Variants in LINGO2 observed in about 807,000 individuals in gnomAD.
LINGO2 encodes the protein leucine-rich repeat and immunoglobulin-like domain-containing nogo receptor-interacting protein 2.
LINGO2 carries 14 observed loss-of-function variants against 30.6 expected under a neutral mutation model. That is an observed-to-expected ratio of 0.46 (90% CI 0.30 to 0.72). The LOEUF (loss-of-function observed/expected upper bound fraction) is 0.72. LINGO2 is among the 30% of genes least tolerant of loss of function. The pLI, the probability that LINGO2 is intolerant of heterozygous loss-of-function variation, is 0.07. For missense variants in LINGO2, 729 were observed against 751.7 expected, an observed-to-expected ratio of 0.97 and a Z score of 0.35; for synonymous variants, 317 against 288.5, an observed-to-expected ratio of 1.10 and a Z score of -1.00.
chr9:28,404,900 T>TTGTGTGTGTGTGTGTGTGTGTGTG (rs60281661), intron 2 of LINGO2, among the ~76,000 whole-genome samples: 6 of 102,550 alleles, frequency 5.9e-5, no homozygotes, highest in African/African-American at 1.6e-4. Context: ...CTCAGCCGCT[T>TTGTGTGTGTGTGTGTGTGTGTGTG]TGTGTGTGTG....
chr9:28,174,310 T>C (rs1828682761), intron 4 of LINGO2, among the ~76,000 whole-genome samples: 1 of 152,208 alleles, frequency 6.6e-6, no homozygotes, highest in African/African-American at 2.4e-5. Flanking sequence ...AAGCAAGCTA[T>C]GGAATCAAAG....
At chr9:28,914,673 A>G in the LINGO2 span, among the ~76,000 whole-genome samples, 1 of 152,092 alleles carries the variant, frequency 6.6e-6, no homozygotes, top group Admixed American at 6.6e-5. Flanking sequence ...TTTTTCATAT[A>G]TTTGGGTTTG....
chr9:28,327,579 C>T (rs771767735), intron 3 of LINGO2, among the ~76,000 whole-genome samples: 4 of 152,126 alleles, frequency 2.6e-5, no homozygotes, highest in African/African-American at 4.8e-5. Context: ...GGCCATATTC[C>T]CTTTACAGTC....
At chr9:28,143,182 A>G (rs11787710) in intron 4 of LINGO2, among the ~76,000 whole-genome samples, 36,229 of 152,064 alleles carry the variant, frequency 0.24, 4,366 homozygotes, top group Non-Finnish European at 0.26. Flanking sequence ...AAATTTGAAG[A>G]AATGCCAAAA....
At chr9:28,311,899 C>T (rs1175353379) in intron 3 of LINGO2, among the ~76,000 whole-genome samples, 2 of 152,126 alleles carry the variant, frequency 1.3e-5, no homozygotes, top group Admixed American at 1.3e-4. Flanking sequence ...TCCATGAAAT[C>T]TTCACAATTT....
chr9:28,219,180 T>C (rs573699115), intron 4 of LINGO2, among the ~76,000 whole-genome samples: 1 of 152,128 alleles, frequency 6.6e-6, no homozygotes, highest in Non-Finnish European at 1.5e-5. Context: ...TAAATTCAAC[T>C]GAAGTTAAGA....
At chr9:28,268,774 T>C (rs1276458693) in intron 4 of LINGO2, among the ~76,000 whole-genome samples, 2 of 152,124 alleles carry the variant, frequency 1.3e-5, no homozygotes, top group Non-Finnish European at 2.9e-5. Flanking sequence ...GAACATGCTG[T>C]AGACAACACA....
intron 1 of LINGO2, among the ~76,000 whole-genome samples, chr9:28,522,954 G>A (rs1820881295): frequency 6.6e-6 from 1 of 151,594 alleles, no homozygotes; most frequent in Admixed American, 6.6e-5. Flanking sequence ...AACAGAGTAA[G>A]GAATGTAGAA....
intron 1 of LINGO2, 114 bp downstream of exon 3, chr9:28,670,086 T>G (rs569118019): frequency 6.6e-6 from 1 of 152,014 alleles, no homozygotes. Context: ...ATTAATTAAA[T>G]ATATGATTAA....
At chr9:29,207,378 A>G in the LINGO2 span, among the ~76,000 whole-genome samples, 14,178 of 152,056 alleles carry the variant, frequency 0.093, 880 homozygotes, top group African/African-American at 0.17. Flanking sequence ...CTAGTAGATA[A>G]GTATCTTGCA....
At chr9:29,200,409 CT>C in the LINGO2 span, among the ~76,000 whole-genome samples, 2 of 151,942 alleles carry the variant, frequency 1.3e-5, no homozygotes, top group Admixed American at 1.3e-4. Context: ...TTGAATTTTT[CT>C]TTTTCAGTGA....
the LINGO2 span, among the ~76,000 whole-genome samples, chr9:29,015,074 T>C: frequency 8.5e-5 from 13 of 152,186 alleles, no homozygotes; most frequent in South Asian, 4.1e-4. Flanking sequence ...GCAGAATAAT[T>C]TGGAGTATAA....
intron 4 of LINGO2, among the ~76,000 whole-genome samples, chr9:28,136,161 A>G (rs1347989437): frequency 6.6e-6 from 1 of 152,228 alleles, no homozygotes; most frequent in Non-Finnish European, 1.5e-5. Context: ...TATCAAGCTT[A>G]TAATCACATA....
At chr9:27,974,530 C>CAACACAG (rs1023645804) in intron 5 of LINGO2, among the ~76,000 whole-genome samples, 7 of 152,112 alleles carry the variant, frequency 4.6e-5, no homozygotes, top group Admixed American at 4.6e-4. Flanking sequence ...GAAGAACCTG[C>CAACACAG]AACACAGTCC....
At chr9:28,943,917 T>A in the LINGO2 span, among the ~76,000 whole-genome samples, 1 of 152,210 alleles carries the variant, frequency 6.6e-6, no homozygotes, top group South Asian at 2.1e-4. Context: ...GGAACCATAG[T>A]GTGCTAAACA....
chr9:28,525,419 CAATT>C (rs1431056285), intron 1 of LINGO2, among the ~76,000 whole-genome samples: 3 of 152,046 alleles, frequency 2.0e-5, no homozygotes, highest in African/African-American at 7.2e-5. Flanking sequence ...AAATTCTCAT[CAATT>C]GTTTAATGTA....
chr9:27,956,472 T>C (rs1170829080), intron 5 of LINGO2, among the ~76,000 whole-genome samples: 1 of 152,218 alleles, frequency 6.6e-6, no homozygotes, highest in Non-Finnish European at 1.5e-5. Flanking sequence ...ATATATGTAT[T>C]GTGAATATTT....
intron 5 of LINGO2, among the ~76,000 whole-genome samples, chr9:27,989,608 C>T (rs989827119): frequency 1.3e-5 from 2 of 152,018 alleles, no homozygotes; most frequent in South Asian, 2.1e-4. Context: ...AGCATCATCA[C>T]CATATATATA....
Position 28,175,505 on chromosome 9 carries a change from C to CATCCTCA in LINGO2, c.-87+119696_-87+119702dup, listed in dbSNP as rs1318914481. On this transcript the variant is annotated intron_variant, in intron 4 of 5. Transcript: ENST00000379992. ...TCGTGATTCAGACAATTGAATACAA[C>CATCCTCA]ATCCTCAATGAGACATTGCCAACTT... Among the ~76,000 whole-genome samples the CATCCTCA allele has an allele frequency of 2.0e-5, 3 of 152,130 alleles. No homozygotes were observed. The East Asian group carries it at 5.8e-4, about 29-fold the overall frequency.
Sources: allele counts gnomAD v4.1 joint callset (sites outside exome capture counted in the v4.1 genomes callset), GRCh38; gene constraint gnomAD v4.1.1; transcripts MANE v1.5; gene names NCBI Gene and HGNC (gene_info 2026-07-23, HGNC 2026-07-21).